Variants in ARHGEF28 observed in about 807,000 individuals in gnomAD.
ARHGEF28 encodes Rho guanine nucleotide exchange factor 28, also known as 190 kDa guanine nucleotide exchange factor.
Under a neutral mutation model 206.6 loss-of-function variants are expected in ARHGEF28, and 152 were observed. The observed-to-expected ratio is 0.74, with a 90% confidence interval of 0.64 to 0.84. ARHGEF28 has a LOEUF of 0.84. Ranked by LOEUF, ARHGEF28 falls within the 40% of genes least tolerant of loss-of-function variation. The pLI is 0.00. For missense variants in ARHGEF28, 2,028 were observed against 2,073.2 expected (o/e 0.98, Z 0.42); for synonymous variants, 763 against 776.4 (o/e 0.98, Z 0.29).
intron 11 of ARHGEF28, among the ~76,000 whole-genome samples, chr5:73,845,555 A>G (rs1404900183): frequency 3.9e-5 from 6 of 152,126 alleles, no homozygotes; most frequent in African/African-American, 1.4e-4. Flanking sequence ...TTCCCTGCAA[A>G]CAGCCCAGTG....
At chr5:73,869,222 T>TTGG (rs1554072926) in intron 20 of ARHGEF28, among the ~76,000 whole-genome samples, 15 of 99,290 alleles carry the variant, frequency 1.5e-4, no homozygotes, top group South Asian at 3.9e-4. Flanking sequence ...GTGTGTGGGG[T>TTGG]GGAGGGGGGT....
chr5:73,782,608 G>A (rs553635157), intron 7 of ARHGEF28, among the ~76,000 whole-genome samples: 11 of 152,174 alleles, frequency 7.2e-5, no homozygotes, highest in Admixed American at 2.6e-4. Context: ...GAGCCCAAGG[G>A]AATTGCCTTT....
intron 4 of ARHGEF28, among the ~76,000 whole-genome samples, chr5:73,763,375 A>C (rs2112426880): frequency 6.6e-6 from 1 of 152,280 alleles, no homozygotes; most frequent in South Asian, 2.1e-4. Flanking sequence ...TGGACACAAG[A>C]CACTGGCTTC....
chr5:73,683,667 G>C (rs1747250425), intron 1 of ARHGEF28, among the ~76,000 whole-genome samples: 1 of 151,734 alleles, frequency 6.6e-6, no homozygotes, highest in Admixed American at 6.6e-5. Flanking sequence ...ACCTGGCAGA[G>C]AGGTTGGTTA....
intron 2 of ARHGEF28, among the ~76,000 whole-genome samples, chr5:73,733,332 A>T (rs1750721229): frequency 1.3e-5 from 2 of 152,236 alleles, no homozygotes; most frequent in African/African-American, 4.8e-5. Context: ...AATCTAAAGG[A>T]CTATATTTAA....
At chr5:73,720,987 T>C (rs563957134) in intron 2 of ARHGEF28, among the ~76,000 whole-genome samples, 1 of 152,236 alleles carries the variant, frequency 6.6e-6, no homozygotes, top group South Asian at 2.1e-4. Context: ...GCAAAAGAAG[T>C]TCAAGCTCAT....
At position 73,911,510 on chromosome 5, in the gene ARHGEF28, C is replaced by T. The variant is rs758975922; in HGVS notation, c.4883C>T (p.Thr1628Ile). 97 of 1,613,546 alleles carry T rather than the reference C, an allele frequency of 6.0e-5. No individual in the cohort carries two copies. The highest frequency in any genetic ancestry group is 8.0e-5 in the Non-Finnish European group (94 of 1,179,762). The change falls in exon 35 of 36, where the codon ACA becomes ATA. Residue 1628 changes from threonine (T) to isoleucine (I), a missense_variant. By Grantham distance (89) the Thr-to-Ile change is moderately conservative (BLOSUM62 -1). Transcript: ENST00000513042. Reference protein sequence around the residue: ...QPSNVSHKLWTAAGSGHQILP... With the variant: ...QPSNVSHKLWIAAGSGHQILP... Reference sequence around the variant, plus strand: ...TCGAATGTCAGTCACAAACTGTGGACAGCCGCTGGTTCCGGCCATCAGATA... The same window carrying T: ...TCGAATGTCAGTCACAAACTGTGGATAGCCGCTGGTTCCGGCCATCAGATA...
chr5:73,850,355 A>T (rs1019413171), intron 13 of ARHGEF28, among the ~76,000 whole-genome samples: 7 of 152,090 alleles, frequency 4.6e-5, no homozygotes, highest in Non-Finnish European at 1.0e-4. Context: ...AAAAGTTACA[A>T]GAGAAAGAAA....
At chr5:73,834,114 T>G (rs1417896121) in intron 10 of ARHGEF28, among the ~76,000 whole-genome samples, 1 of 152,210 alleles carries the variant, frequency 6.6e-6, no homozygotes, top group African/African-American at 2.4e-5. Context: ...AATGTAATGT[T>G]TTGATACATG....
chr5:73,907,929 T>C (rs560059715), intron 33 of ARHGEF28, among the ~76,000 whole-genome samples: 1 of 152,214 alleles, frequency 6.6e-6, no homozygotes, highest in African/African-American at 2.4e-5. Flanking sequence ...TTTTGACATA[T>C]AAAGTATGGG....
Position 73,894,476 on chromosome 5 carries a change from G to A in ARHGEF28, c.3742G>A (p.Gly1248Arg), listed in dbSNP as rs560292167. 3.1e-4 allele frequency: 500 copies of A among 1,613,876 alleles called. 5 individuals carry two copies. The South Asian group carries it at 5.2e-3, about 17-fold the overall frequency. The change falls in exon 29 of 36, where the codon GGA (glycine) becomes AGA (arginine). Residue 1248 changes from glycine (G) to arginine (R), a missense_variant. By Grantham distance (125) the Gly-to-Arg change is moderately radical. Around this residue, in one of 3 missense-constraint regions of ARHGEF28, gnomAD observed 803 missense variants for 768.0 expected, o/e 1.05. Transcript: ENST00000513042. ...HIYAELGELS[G>R]FEDVHLEPHL... ...CTATGCTGAACTTGGAGAACTGAGCGGATTTGAGGACGTCCATCTAGAGCC... is the reference window on the plus strand; with the variant it reads ...CTATGCTGAACTTGGAGAACTGAGCAGATTTGAGGACGTCCATCTAGAGCC...
In ARHGEF28 at chr5:73,894,536, C is replaced by T. The variant is rs375943364; in HGVS notation, c.3802C>T (p.Pro1268Ser). Residue 1268 changes from proline (P) to serine (S), a missense_variant, in exon 29 of 36, where the codon CCC becomes TCC. Coordinates refer to ENST00000513042, the MANE Select transcript of ARHGEF28 (RefSeq NM_001177693.2). ...LLIKPDPGEP[P>S]QAASLLAAAL... ...TATTAAACCTGACCCAGGCGAGCCT[C>T]CCCAGGCAGCCTCATTACTGGCAGC... 6.2e-6 allele frequency: 10 copies of T among 1,613,740 alleles called. No homozygotes were observed. The African/African-American group carries it at 6.7e-5, about 11-fold the overall frequency.
intron 12 of ARHGEF28, among the ~76,000 whole-genome samples, chr5:73,848,708 T>G (rs1758520098): frequency 6.6e-6 from 1 of 152,132 alleles, no homozygotes; most frequent in Admixed American, 6.5e-5. Flanking sequence ...TAAGTTTTCA[T>G]TTTTAGCCAA....
intron 2 of ARHGEF28, among the ~76,000 whole-genome samples, chr5:73,744,889 C>A (rs926232577): frequency 6.6e-6 from 1 of 151,866 alleles, no homozygotes; most frequent in African/African-American, 2.4e-5. Flanking sequence ...TCTTTAGATG[C>A]CTTTGAGACT....
rs766258064 is a variant in ARHGEF28, at chr5:73,857,794, T to C, written c.1914+15T>C. The C allele has an allele frequency of 1.1e-5, 17 of 1,603,886 alleles. No individual in the cohort carries two copies. The highest frequency in any genetic ancestry group is 1.7e-4 in the Middle Eastern group (1 of 5,732). On this transcript the variant is annotated intron_variant, in intron 15 of 35. Transcript: ENST00000513042. ...ATAAATCAAAGGTAATTAAAGTGAT[T>C]CACTTATTTTCTATAAAATATAGAC...
chr5:73,813,536 A>C (rs958101283), intron 9 of ARHGEF28: 54 of 1,531,912 alleles, frequency 3.5e-5, no homozygotes, highest in Non-Finnish European at 4.7e-5. Context: ...GGACGCCCCG[A>C]GTTCTTCCTG....
Position 73,893,184 on chromosome 5 carries a change from T to C in ARHGEF28, c.3567-13T>C, listed in dbSNP as rs1284512829. ...TGGTTTCAGTTGTGTCTCTTGACTA[T>C]TGTCTTTTAAAGTTGTCCTGAAGAA... On this transcript the variant is annotated splice_polypyrimidine_tract_variant and intron_variant, in intron 27 of 35. Transcript: ENST00000513042. 6.5e-7 allele frequency: 1 copy of C among 1,537,714 alleles called. No individual in the cohort carries two copies. Among genetic ancestry groups the C allele is most frequent in the East Asian group, 2.5e-5 (1 of 40,736 alleles).
rs529973004 is a variant in ARHGEF28 at position 73,770,747 on chromosome 5, T to A, written c.476-3108T>A. Among the ~76,000 whole-genome samples the A allele has an allele frequency of 2.5e-4, 38 of 152,346 alleles. No individual in the cohort carries two copies. In the South Asian group the frequency reaches 7.9e-3, roughly 32 times the overall value. ...GAGAAAGCTCTCTCTTACAACATTT[T>A]GGTCAGTTTTTATTTGTTTTCTTTA... On this transcript the variant is annotated intron_variant, in intron 4 of 35. Coordinates refer to ENST00000513042, the MANE Select transcript of ARHGEF28 (RefSeq NM_001177693.2).
intron 1 of ARHGEF28, among the ~76,000 whole-genome samples, chr5:73,658,854 G>A (rs1745398539): frequency 6.6e-6 from 1 of 152,036 alleles, no homozygotes; most frequent in Admixed American, 6.6e-5. Flanking sequence ...TAGTATCTGT[G>A]TTTTACTAGG....
Sources: gnomAD v4.1 joint callset for allele counts (sites outside exome capture counted in the v4.1 genomes callset) on GRCh38, gnomAD v4.1.1 for gene constraint, gnomAD v4.1.1 regional missense constraint, MANE v1.5 for transcripts, NCBI Gene and HGNC (gene_info 2026-07-23, HGNC 2026-07-21) for gene names.